HAS2: variants seen among roughly 807,000 people sequenced by gnomAD.
HAS2 encodes HA synthase 2.
A neutral mutation model predicts 51.6 loss-of-function variants in HAS2; 16 were observed. The observed-to-expected ratio is 0.31, with a 90% confidence interval of 0.21 to 0.47. HAS2 has a LOEUF of 0.47. HAS2 is among the 20% of genes least tolerant of loss of function. The pLI is 1.00. For missense variants in HAS2, 361 were observed against 662.6 expected (o/e 0.54, Z 5.00); for synonymous variants, 228 against 235.5 (o/e 0.97, Z 0.29).
chr8:121,633,830 A>C (rs777038227), intron 1 of HAS2, among the ~76,000 whole-genome samples: 20 of 151,952 alleles, frequency 1.3e-4, no homozygotes, highest in Non-Finnish European at 2.8e-4. Flanking sequence ...GGATGAAAGG[A>C]GAGTAACATC....
intron 1 of HAS2, among the ~76,000 whole-genome samples, chr8:121,631,518 AG>A (rs1812928706): frequency 6.6e-6 from 1 of 152,234 alleles, no homozygotes; most frequent in African/African-American, 2.4e-5. Context: ...CACAACAAAA[AG>A]AAAATTGGTG....
intron 2 of HAS2, among the ~76,000 whole-genome samples, chr8:121,626,650 T>C (rs529432970): frequency 2.8e-4 from 42 of 152,336 alleles, no homozygotes; most frequent in South Asian, 2.7e-3. Flanking sequence ...TCTCAAATCC[T>C]GGGACACTTA....
chr8:121,622,646 A>G (rs1393007206), intron 2 of HAS2, among the ~76,000 whole-genome samples: 6 of 151,776 alleles, frequency 4.0e-5, no homozygotes, highest in Non-Finnish European at 7.4e-5. Flanking sequence ...GACTTTATAA[A>G]GATGGAATAT....
chr8:121,627,798 C>T (rs1812874615), intron 2 of HAS2, among the ~76,000 whole-genome samples: 1 of 152,172 alleles, frequency 6.6e-6, no homozygotes, highest in African/African-American at 2.4e-5. Flanking sequence ...CTTCTAAAAA[C>T]TAGAATTTCA....
At position 121,616,628 on chromosome 8, in the gene HAS2, G is replaced by T. The variant is rs186389223; in HGVS notation, c.729+477C>A. On this transcript the variant is annotated intron_variant, in intron 3 of 3. Transcript: ENST00000303924. Reference sequence around the variant, plus strand: ...TTTTTGTATTTTTAGTAGGGATGGGGTTTCACCATATTGATCAGGCTGGTC... The same window carrying T: ...TTTTTGTATTTTTAGTAGGGATGGGTTTTCACCATATTGATCAGGCTGGTC... 7.6e-3 allele frequency among the ~76,000 whole-genome samples: 1,160 copies of T among 151,908 alleles called. 7 individuals carry two copies. Among genetic ancestry groups the T allele is most frequent in the Non-Finnish European group, 0.011 (747 of 67,934 alleles).
rs1389925693 is a variant in HAS2 at position 121,641,075 on chromosome 8, TTA to T, written c.-225_-224del. The T allele has an allele frequency of 2.0e-5, 3 of 146,652 alleles. No individual in the cohort carries two copies. The highest frequency in any genetic ancestry group is 8.1e-5 in the African/African-American group (3 of 36,944). The allele number at this position is 146,652 out of a possible 1,614,324, so 9.1% of individuals were successfully genotyped here. The stretch of plus-strand genomic sequence containing the variant: ...AAAAATAATTTCACTAATATTCTCT[TTA>T]TGTTTCCGTTGCACTTCAGTCTAAT... On this transcript the variant is annotated 5_prime_UTR_variant, in exon 1 of 4. Transcript: ENST00000303924.
Position 121,629,180 on chromosome 8 carries a change from G to C in HAS2, c.161C>G (p.Ala54Gly), listed in dbSNP as rs1443393200. The change falls in exon 2 of 4, where the codon GCA becomes GGA. Residue 54 changes from alanine to glycine, a missense_variant. By Grantham distance (60) the Ala-to-Gly change is moderately conservative. Coordinates refer to ENST00000303924, the MANE Select transcript of HAS2 (RefSeq NM_005328.3). ...FSFGLYGAFL[A>G]SHLIIQSLFA... is the part of the protein sequence containing the mutation. ...CAGGCTTTGGATGATGAGGTGTGATGCCAAAAAGGCACCATACAGTCCAAA... is the reference window on the plus strand; with the variant it reads ...CAGGCTTTGGATGATGAGGTGTGATCCCAAAAAGGCACCATACAGTCCAAA... 5 of 1,614,006 alleles carry C rather than the reference G, an allele frequency of 3.1e-6. No homozygotes were observed. The Admixed American group carries it at 6.7e-5, about 22-fold the overall frequency.
intron 1 of HAS2, among the ~76,000 whole-genome samples, chr8:121,635,044 G>A (rs548122127): frequency 1.3e-5 from 2 of 152,146 alleles, no homozygotes; most frequent in South Asian, 4.2e-4. Flanking sequence ...TGACTTATGA[G>A]CATGTGTGCA....
chr8:121,637,668 G>A (rs886095571), intron 1 of HAS2, among the ~76,000 whole-genome samples: 1 of 152,160 alleles, frequency 6.6e-6, no homozygotes, highest in African/African-American at 2.4e-5. Flanking sequence ...TGGAATTATA[G>A]GCATGAGCAA....
At chr8:121,622,017 A>AACCCTTCATCTTAACCTTC (rs1366348258) in intron 2 of HAS2, among the ~76,000 whole-genome samples, 2 of 152,080 alleles carry the variant, frequency 1.3e-5, no homozygotes, top group African/African-American at 2.4e-5. Context: ...TGTAAGGCTT[A>AACCCTTCATCTTAACCTTC]ACCCTTCATC....
intron 1 of HAS2, 32 bp from the exon 2 acceptor site, chr8:121,629,372 A>C (rs993205047): frequency 6.4e-7 from 1 of 1,557,286 alleles, no homozygotes; most frequent in African/African-American, 1.4e-5. Flanking sequence ...CTCTTGGTTA[A>C]CCATGATTGT....
intron 1 of HAS2, among the ~76,000 whole-genome samples, chr8:121,632,705 A>G (rs1284693024): frequency 1.3e-5 from 2 of 152,150 alleles, no homozygotes; most frequent in Non-Finnish European, 2.9e-5. Context: ...TGTTCAGTAA[A>G]TATCTGTTGA....
intron 1 of HAS2, among the ~76,000 whole-genome samples, chr8:121,629,719 G>T (rs1812904017): frequency 6.6e-6 from 1 of 152,166 alleles, no homozygotes; most frequent in Non-Finnish European, 1.5e-5. Context: ...AACACCCAAA[G>T]AAGTCATTCT....
At chr8:121,638,620 C>G (rs1301819051) in intron 1 of HAS2, among the ~76,000 whole-genome samples, 1 of 152,156 alleles carries the variant, frequency 6.6e-6, no homozygotes. Flanking sequence ...ATTGGAAACA[C>G]ATACAAAACA....
chr8:121,631,286 G>C (rs919897198), intron 1 of HAS2, among the ~76,000 whole-genome samples: 2 of 152,152 alleles, frequency 1.3e-5, no homozygotes, highest in African/African-American at 4.8e-5. Context: ...TTGGTGTACT[G>C]CACTAGTATA....
At chr8:121,632,318 A>G (rs1416492225) in intron 1 of HAS2, among the ~76,000 whole-genome samples, 1 of 152,188 alleles carries the variant, frequency 6.6e-6, no homozygotes, top group Non-Finnish European at 1.5e-5. Context: ...CCCCAATTCA[A>G]ATACTCTGTT....
rs1440526810 is a variant in HAS2, at chr8:121,641,183, G to GTTTTTTTTTTTTTTTT, written c.-332_-331insAAAAAAAAAAAAAAAA. On this transcript the variant is annotated 5_prime_UTR_variant, in exon 1 of 4. Coordinates refer to ENST00000303924, the MANE Select transcript of HAS2 (RefSeq NM_005328.3). ...CTTTTTTTTTTTTTTTTTTTTTTGG[G>GTTTTTTTTTTTTTTTT]CTTCAGTCTTTCTGCCCCCGATAAC... 1.4e-4 allele frequency: 1 copy of GTTTTTTTTTTTTTTTT among 7,266 alleles called. No individual in the cohort carries two copies. The highest frequency in any genetic ancestry group is 5.3e-4 in the African/African-American group (1 of 1,900). 0.5% of individuals were successfully genotyped at this position (7,266 alleles called of 1,614,324 possible). A position where few individuals can be genotyped will look rare whatever the true frequency, so the allele number is the denominator to read the frequency against.
At chr8:121,617,535 C>A (rs1812720369) in intron 2 of HAS2, among the ~76,000 whole-genome samples, 1 of 152,078 alleles carries the variant, frequency 6.6e-6, no homozygotes, top group African/African-American at 2.4e-5. Flanking sequence ...TCCCAGGTAA[C>A]CCCCAGTCCT....
At chr8:121,616,655 C>T (rs542323322) in intron 3 of HAS2, among the ~76,000 whole-genome samples, 2 of 152,050 alleles carry the variant, frequency 1.3e-5, no homozygotes, top group Non-Finnish European at 2.9e-5. Flanking sequence ...AGGCTGGTCT[C>T]GAACTCCTGA....
Sources: gnomAD v4.1 joint callset for allele counts (sites outside exome capture counted in the v4.1 genomes callset) on GRCh38, gnomAD v4.1.1 for gene constraint, MANE v1.5 for transcripts, NCBI Gene and HGNC (gene_info 2026-07-23, HGNC 2026-07-21) for gene names.